The following ANKRD44 variants were observed in gnomAD, a reference collection of about 807,000 sequenced individuals.
The protein encoded by ANKRD44 is ankyrin repeat domain 44.
ANKRD44 carries 35 observed loss-of-function variants against 116.0 expected under a neutral mutation model. The observed-to-expected ratio is 0.30, with a 90% CI of 0.23 to 0.40. ANKRD44 has a LOEUF of 0.40. ANKRD44 is among the 10% of genes least tolerant of loss of function. The pLI, the probability that ANKRD44 is intolerant of heterozygous loss-of-function variation, is 1.00. For synonymous variants in ANKRD44, 435 were observed against 461.8 expected, an observed-to-expected ratio of 0.94 and a Z score of 0.74; for missense variants, 1,014 against 1,242.6, an observed-to-expected ratio of 0.82 and a Z score of 2.77.
intron 21 of ANKRD44, among the ~76,000 whole-genome samples, chr2:196,970,167 T>C (rs1183026094): frequency 1.3e-5 from 2 of 152,204 alleles, no homozygotes; most frequent in Admixed American, 1.3e-4. Flanking sequence ...GCACATCTCC[T>C]TAACCTCTTC....
chr2:197,108,304 T>C (rs1348108234), intron 9 of ANKRD44, among the ~76,000 whole-genome samples: 1 of 152,238 alleles, frequency 6.6e-6, no homozygotes, highest in Non-Finnish European at 1.5e-5. Context: ...ATAAGTGGTG[T>C]TTAGCCAAGT....
At chr2:196,975,936 A>C (rs936552281) in intron 21 of ANKRD44, among the ~76,000 whole-genome samples, 1 of 152,128 alleles carries the variant, frequency 6.6e-6, no homozygotes, top group Non-Finnish European at 1.5e-5. Flanking sequence ...TCCTCAACAA[A>C]ATATTAGCAT....
chr2:197,276,089 A>G (rs2083073425), intron 1 of ANKRD44, among the ~76,000 whole-genome samples: 1 of 152,060 alleles, frequency 6.6e-6, no homozygotes, highest in Non-Finnish European at 1.5e-5. Flanking sequence ...CAGCCTGGCC[A>G]ACATGGTGAA....
At chr2:197,298,109 A>G (rs1574470630) in intron 1 of ANKRD44, among the ~76,000 whole-genome samples, 1 of 152,352 alleles carries the variant, frequency 6.6e-6, no homozygotes, top group South Asian at 2.1e-4. Flanking sequence ...CAAGGCAACA[A>G]CAAACACCTA....
At position 196,989,151 on chromosome 2, in the gene ANKRD44, T is replaced by A. The variant is rs1257861370; in HGVS notation, c.*440A>T. ...TTTTTTTTTCACTTTTTTTTTGTTA[T>A]TCTAAATAAGATACATAGCAATTAA... On this transcript the variant is annotated 3_prime_UTR_variant, in exon 28 of 28. Coordinates refer to ENST00000282272, the MANE Select transcript of ANKRD44 (RefSeq NM_001195144.2). The A allele has an allele frequency of 4.1e-6, 4 of 984,738 alleles. No individual in the cohort carries two copies. The African/African-American group carries it at 7.0e-5, about 17-fold the overall frequency. The allele number at this position is 984,738 out of a possible 1,614,324, so 61.0% of individuals were successfully genotyped here.
intron 1 of ANKRD44, among the ~76,000 whole-genome samples, chr2:197,200,311 G>A (rs2081063944): frequency 6.6e-6 from 1 of 152,206 alleles, no homozygotes; most frequent in South Asian, 2.1e-4. Flanking sequence ...GTCTCTGGAG[G>A]AGGCAGGACT....
rs1395050503 is a variant in ANKRD44 at position 196,986,999 on chromosome 2, T to C, written c.*2592A>G. 1.0e-6 allele frequency: 1 copy of C among 985,298 alleles called. No homozygotes were observed. The highest frequency in any genetic ancestry group is 1.7e-5 in the African/African-American group (1 of 57,258). The allele number at this position is 985,298 out of a possible 1,614,324, so 61.0% of individuals were successfully genotyped here. On this transcript the variant is annotated 3_prime_UTR_variant, in exon 28 of 28. Coordinates refer to ENST00000282272, the MANE Select transcript of ANKRD44 (RefSeq NM_001195144.2). ...TAACACTGGCACCAGATTTGTATCA[T>C]CGTGCTTTACAAAGATATATTGCAC...
At chr2:197,086,853 C>A (rs751648364) in intron 12 of ANKRD44, 105 bp from the exon 13 acceptor site, 2 of 982,978 alleles carry the variant, frequency 2.0e-6, no homozygotes, top group Non-Finnish European at 3.0e-6. Context: ...GAAAAGATAG[C>A]TCCTGGTCTA....
intron 1 of ANKRD44, among the ~76,000 whole-genome samples, chr2:197,276,806 T>C (rs2083099428): frequency 2.0e-5 from 3 of 152,172 alleles, no homozygotes. Context: ...ATAGAACTGA[T>C]TCTAAAACTG....
At chr2:197,305,822 T>C (rs2084052281) in intron 1 of ANKRD44, among the ~76,000 whole-genome samples, 1 of 151,948 alleles carries the variant, frequency 6.6e-6, no homozygotes, top group Admixed American at 6.6e-5. Flanking sequence ...AAATTTTAAC[T>C]GGCTACCCAG....
rs569093476 is a variant in ANKRD44 at position 197,289,304 on chromosome 2, C to T, written c.27+21274G>A. On this transcript the variant is annotated intron_variant, in intron 1 of 27. Transcript: ENST00000282272. Reference sequence around the variant, plus strand: ...TGACAAGGATGTGGAGAAACTAACCCATATGTATTGTTGGGGGAGTGTGAA... The same window carrying T: ...TGACAAGGATGTGGAGAAACTAACCTATATGTATTGTTGGGGGAGTGTGAA... Among the ~76,000 whole-genome samples, 5 of 152,274 alleles carry T rather than the reference C, an allele frequency of 3.3e-5. No individual in the cohort carries two copies. The South Asian group carries it at 1.0e-3, about 32-fold the overall frequency.
intron 1 of ANKRD44, among the ~76,000 whole-genome samples, chr2:197,246,367 T>TTTTTTTG (rs2082192727): frequency 7.9e-6 from 1 of 127,384 alleles, no homozygotes. Context: ...TTTTTTTTTT[T>TTTTTTTG]TTTTTTTTAG....
At chr2:197,247,262 T>C (rs573842734) in intron 1 of ANKRD44, among the ~76,000 whole-genome samples, 1 of 152,328 alleles carries the variant, frequency 6.6e-6, no homozygotes, top group Admixed American at 6.5e-5. Flanking sequence ...TAATTATTCA[T>C]CTGCTCACTG....
chr2:197,228,514 G>A (rs1028683355), intron 1 of ANKRD44, among the ~76,000 whole-genome samples: 2 of 152,178 alleles, frequency 1.3e-5, no homozygotes, highest in African/African-American at 4.8e-5. Context: ...TAGACTGTGA[G>A]AGTTCTAGTT....
chr2:197,136,717 G>T, intron 3 of ANKRD44, 55 bp from the exon 4 acceptor site: 2 of 1,500,298 alleles, frequency 1.3e-6, no homozygotes, highest in Non-Finnish European at 1.9e-6. Flanking sequence ...AAGCCCTGCC[G>T]ACGTTAAATC....
chr2:197,148,600 C>T (rs1191696301), intron 2 of ANKRD44, among the ~76,000 whole-genome samples: 2 of 152,332 alleles, frequency 1.3e-5, no homozygotes, highest in African/African-American at 2.4e-5. Flanking sequence ...CTGTCTCTCA[C>T]AGATTATTGC....
intron 16 of ANKRD44, among the ~76,000 whole-genome samples, chr2:197,058,947 A>G (rs531814874): frequency 2.6e-5 from 4 of 152,334 alleles, no homozygotes; most frequent in Admixed American, 2.6e-4. Flanking sequence ...AGGAAAAACT[A>G]TAATACTGGC....
At chr2:197,300,895 C>G (rs919129371) in intron 1 of ANKRD44, 2 of 151,756 alleles carry the variant, frequency 1.3e-5, no homozygotes, top group African/African-American at 4.8e-5. Flanking sequence ...TCCCAAGTAG[C>G]TGGGATTACA....
At chr2:196,999,551 T>C (rs1201838024) in intron 23 of ANKRD44, among the ~76,000 whole-genome samples, 1 of 150,026 alleles carries the variant, frequency 6.7e-6, no homozygotes, top group African/African-American at 2.5e-5. Flanking sequence ...CACTTGGTCA[T>C]GTGTACAGAC....
Sources: gnomAD v4.1 joint callset for allele counts (sites outside exome capture counted in the v4.1 genomes callset) on GRCh38, gnomAD v4.1.1 for gene constraint, MANE v1.5 for transcripts, NCBI Gene and HGNC (gene_info 2026-07-23, HGNC 2026-07-21) for gene names.